The following CLMN variants were observed in gnomAD, a reference collection of about 807,000 sequenced individuals.
CLMN encodes the protein calmin.
Under a neutral mutation model 92.7 loss-of-function variants are expected in CLMN, and 57 were observed. That is an observed-to-expected ratio of 0.61 (90% CI 0.50 to 0.77). The LOEUF (loss-of-function observed/expected upper bound fraction) is 0.77, where lower values mean the gene tolerates loss of function less well. Among genes scored for constraint, CLMN ranks in the 30% least tolerant of loss-of-function variants. The pLI, the probability that CLMN is intolerant of heterozygous loss-of-function variation, is 0.00. For missense variants in CLMN, 1,158 were observed against 1,237.5 expected (o/e 0.94, Z 0.96); for synonymous variants, 466 against 470.6 (o/e 0.99, Z 0.13).
Position 95,189,849 on chromosome 14 carries a change from CTT to C in CLMN, c.*1713_*1714del, listed in dbSNP as rs1896521473. Reference sequence around the variant, plus strand: ...GCTTTCTGGTTGGAAGGCTGAAATTCTTTCAGGAGGGGAGACAGACTATAATC... The same window carrying C: ...GCTTTCTGGTTGGAAGGCTGAAATTCTCAGGAGGGGAGACAGACTATAATC... On this transcript the variant is annotated 3_prime_UTR_variant, in exon 13 of 13. Transcript: ENST00000298912. 6.6e-6 allele frequency: 1 copy of C among 152,322 alleles called. No individual in the cohort carries two copies. The highest frequency in any genetic ancestry group is 1.9e-4 in the East Asian group (1 of 5,186). 9.4% of individuals were successfully genotyped at this position (152,322 alleles called of 1,614,324 possible).
At chr14:95,248,621 C>T (rs1309925853) in intron 1 of CLMN, among the ~76,000 whole-genome samples, 1 of 152,194 alleles carries the variant, frequency 6.6e-6, no homozygotes, top group Non-Finnish European at 1.5e-5. Flanking sequence ...GGTCACCACC[C>T]CCTGCAATGC....
At chr14:95,304,134 T>C (rs1339428377) in intron 1 of CLMN, among the ~76,000 whole-genome samples, 1 of 152,080 alleles carries the variant, frequency 6.6e-6, no homozygotes, top group East Asian at 1.9e-4. Flanking sequence ...GCCCAGGAGT[T>C]TGATGCCAAC....
chr14:95,237,020 G>A lies in CLMN; in HGVS notation c.83-6887C>T, dbSNP rs577896459. On this transcript the variant is annotated intron_variant, in intron 1 of 12. Transcript: ENST00000298912. ...ATAAAGCATCCAAACACCTTGGCAC[G>A]GGCCAAAGACCTTGGCACATCGTAA... Among the ~76,000 whole-genome samples the A allele has an allele frequency of 3.3e-5, 5 of 152,332 alleles. 1 individual carries two copies. The highest frequency in any genetic ancestry group is 3.3e-4 in the Admixed American group (5 of 15,292).
In CLMN at chr14:95,209,437, A is replaced by C; in HGVS notation, c.843T>G (p.Thr281=). ...VDTPDEQSIM[T]YVAQFLERFP... is the part of the protein sequence containing the mutation. ...AACGTTCTAGAAACTGTGCCACGTA[A>C]GTCATGATAGACTGCTCGTCTGGTG... The change falls in exon 8 of 13, where the codon ACT becomes ACG. Residue 281 remains threonine, a synonymous_variant. Transcript: ENST00000298912. 1.2e-6 allele frequency: 2 copies of C among 1,614,222 alleles called. No individual in the cohort carries two copies. Among genetic ancestry groups the C allele is most frequent in the East Asian group, 2.2e-5 (1 of 44,886 alleles).
chr14:95,275,046 A>G (rs753845785), intron 1 of CLMN, among the ~76,000 whole-genome samples: 1 of 152,040 alleles, frequency 6.6e-6, no homozygotes, highest in Non-Finnish European at 1.5e-5. Flanking sequence ...TGTAGGCCAG[A>G]TAGTGGTCTA....
At chr14:95,302,618 T>C (rs923149599) in intron 1 of CLMN, among the ~76,000 whole-genome samples, 1 of 152,198 alleles carries the variant, frequency 6.6e-6, no homozygotes, top group Non-Finnish European at 1.5e-5. Flanking sequence ...CCTCTTTTAC[T>C]TTAAATAAAG....
intron 1 of CLMN, among the ~76,000 whole-genome samples, chr14:95,261,331 T>C (rs1182421442): frequency 6.6e-6 from 1 of 152,254 alleles, no homozygotes; most frequent in African/African-American, 2.4e-5. Flanking sequence ...GCTCAGACTT[T>C]ATGCCGCTTT....
Position 95,196,653 on chromosome 14 carries a change from T to TA in CLMN, c.2552dup (p.Glu852ArgfsTer11). The TA allele has an allele frequency of 6.2e-7, 1 of 1,613,902 alleles. No individual in the cohort carries two copies. Among genetic ancestry groups the TA allele is most frequent in the Non-Finnish European group, 8.5e-7 (1 of 1,179,942 alleles). ...TTGATTCTTTCGTTACATTTTCTTCTAGGGGGTTTGCTATGTTTTCCAGGT... is the reference window on the plus strand; with the variant it reads ...TTGATTCTTTCGTTACATTTTCTTCTAAGGGGGTTTGCTATGTTTTCCAGGT... On this transcript the variant is annotated frameshift_variant, in exon 10 of 13. Transcript: ENST00000298912. LOFTEE classifies it high-confidence loss of function.
intron 1 of CLMN, among the ~76,000 whole-genome samples, chr14:95,283,392 T>G (rs954314014): frequency 2.0e-5 from 3 of 152,206 alleles, no homozygotes; most frequent in Non-Finnish European, 4.4e-5. Flanking sequence ...AAAAATGAAC[T>G]AATACAGTAA....
chr14:95,226,085 CA>C (rs966506878), intron 2 of CLMN, among the ~76,000 whole-genome samples: 13 of 152,302 alleles, frequency 8.5e-5, no homozygotes, highest in African/African-American at 2.9e-4. Flanking sequence ...CCGCTTTAAT[CA>C]GAGAGGCTCA....
intron 1 of CLMN, among the ~76,000 whole-genome samples, chr14:95,237,333 A>G (rs1330205353): frequency 6.6e-6 from 1 of 152,214 alleles, no homozygotes; most frequent in Non-Finnish European, 1.5e-5. Flanking sequence ...AGAGGCTGGG[A>G]GGAGGCAGCC....
At chr14:95,235,673 G>C (rs956457119) in intron 1 of CLMN, among the ~76,000 whole-genome samples, 1 of 152,212 alleles carries the variant, frequency 6.6e-6, no homozygotes, top group African/African-American at 2.4e-5. Context: ...CAGTTGGACA[G>C]AATCTGATTC....
intron 1 of CLMN, among the ~76,000 whole-genome samples, chr14:95,314,436 C>T (rs1030393147): frequency 2.0e-5 from 3 of 152,186 alleles, no homozygotes; most frequent in South Asian, 4.2e-4. Flanking sequence ...CTCATGCATG[C>T]CGGGCTGGAA....
At chr14:95,215,573 C>T in intron 5 of CLMN, 68 bp downstream of exon 5, 1 of 1,387,518 alleles carries the variant, frequency 7.2e-7, no homozygotes, top group East Asian at 2.3e-5. Flanking sequence ...TCTGGCCCCA[C>T]TCTCTTCTGT....
At chr14:95,217,284 T>G (rs886918427) in intron 4 of CLMN, among the ~76,000 whole-genome samples, 4 of 152,204 alleles carry the variant, frequency 2.6e-5, no homozygotes, top group Non-Finnish European at 5.9e-5. Flanking sequence ...ATTTCTTTCC[T>G]CTCTCTCTTC....
At position 95,210,753 on chromosome 14, in the gene CLMN, T is replaced by G. The variant is rs148497172; in HGVS notation, c.735A>C (p.Glu245Asp). ...CGATGCTGAAAGCCTTCTCTAGATTTTCTCGTGTGGAATTTTCCAGGGCCT... is the reference window on the plus strand; with the variant it reads ...CGATGCTGAAAGCCTTCTCTAGATTGTCTCGTGTGGAATTTTCCAGGGCCT... ...MKQALENSTR[E>D]NLEKAFSIAQ... Residue 245 changes from glutamate to aspartate, a missense_variant, in exon 7 of 13, where the codon GAA becomes GAC. Glu to Asp is a conservative substitution (Grantham distance 45). Coordinates refer to ENST00000298912, the MANE Select transcript of CLMN (RefSeq NM_024734.4). 7.4e-4 allele frequency: 1,194 copies of G among 1,609,534 alleles called. 1 individual carries two copies. Among genetic ancestry groups the G allele is most frequent in the Non-Finnish European group, 8.7e-4 (1,026 of 1,178,012 alleles).
chr14:95,203,242 G>A lies in CLMN; in HGVS notation c.2107C>T (p.His703Tyr). 1 of 1,613,936 alleles carries A rather than the reference G, an allele frequency of 6.2e-7. No homozygotes were observed. The highest frequency in any genetic ancestry group is 1.1e-5 in the South Asian group (1 of 91,072). Residue 703 changes from histidine to tyrosine, a missense_variant, in exon 9 of 13, where the codon CAC becomes TAC. His to Tyr is a moderately conservative substitution (Grantham distance 83). Coordinates refer to ENST00000298912, the MANE Select transcript of CLMN (RefSeq NM_024734.4). The stretch of plus-strand genomic sequence containing the variant: ...TTGAAATCCAGGCCTTCTTCGCTGT[G>A]ACTCCCAAGGGTCTCCAAGCTGACA... ...SCVSLETLGS[H>Y]SEEGLDFKPS...
chr14:95,200,332 G>A (rs1490308163), intron 9 of CLMN, among the ~76,000 whole-genome samples: 1 of 152,150 alleles, frequency 6.6e-6, no homozygotes, highest in East Asian at 1.9e-4. Flanking sequence ...TCTGTCTCCC[G>A]CATTAGACAC....
chr14:95,241,948 T>C (rs536724760), intron 1 of CLMN, among the ~76,000 whole-genome samples: 1 of 152,238 alleles, frequency 6.6e-6, no homozygotes, highest in African/African-American at 2.4e-5. Flanking sequence ...GGATTTTTGT[T>C]ATTACAAGGT....
Sources: gnomAD v4.1 joint callset for allele counts (sites outside exome capture counted in the v4.1 genomes callset) on GRCh38, gnomAD v4.1.1 for gene constraint, MANE v1.5 for transcripts, NCBI Gene and HGNC (gene_info 2026-07-23, HGNC 2026-07-21) for gene names.